The following SEC14L1 variants were observed in gnomAD, a reference collection of about 807,000 sequenced individuals.
The protein encoded by SEC14L1 is SEC14 like lipid binding 1.
Under a neutral mutation model 85.3 loss-of-function variants are expected in SEC14L1, and 48 were observed. The observed-to-expected ratio is 0.56, with a 90% CI of 0.45 to 0.72. The LOEUF (loss-of-function observed/expected upper bound fraction) is 0.72. Ranked by LOEUF, SEC14L1 falls within the 30% of genes least tolerant of loss-of-function variation. The pLI is 0.00. For missense variants in SEC14L1, 682 were observed against 921.4 expected, an observed-to-expected ratio of 0.74 and a Z score of 3.36; for synonymous variants, 391 against 355.5, an observed-to-expected ratio of 1.10 and a Z score of -1.12.
In SEC14L1 at chr17:77,216,587, C is replaced by G; in HGVS notation, c.*2564C>G. The G allele has an allele frequency of 3.1e-6, 5 of 1,613,380 alleles. No individual in the cohort carries two copies. Among genetic ancestry groups the G allele is most frequent in the Non-Finnish European group, 4.2e-6 (5 of 1,179,490 alleles). On this transcript the variant is annotated 3_prime_UTR_variant, in exon 17 of 17. Transcript: ENST00000436233. The stretch of plus-strand genomic sequence containing the variant: ...TGACAGCTGCCAAGAAAATGCTTCA[C>G]TCAACAGTCCTCATGTGCCCAGAGA...
intron 3 of SEC14L1, among the ~76,000 whole-genome samples, chr17:77,131,961 G>T (rs570357045): frequency 6.6e-6 from 1 of 152,296 alleles, no homozygotes; most frequent in African/African-American, 2.4e-5. Context: ...GATAACTTTT[G>T]CAGATCCAGC....
intron 3 of SEC14L1, among the ~76,000 whole-genome samples, chr17:77,100,896 A>C (rs771415015): frequency 6.6e-6 from 1 of 152,192 alleles, no homozygotes; most frequent in African/African-American, 2.4e-5. Flanking sequence ...GTTTTGTTAC[A>C]ATATTGTATG....
intron 11 of SEC14L1, 30 bp downstream of exon 11, chr17:77,205,376 A>G (rs760537965): frequency 4.2e-5 from 66 of 1,561,354 alleles, no homozygotes; most frequent in Non-Finnish European, 5.3e-5. Context: ...TTTCCTTTCA[A>G]CTTACTGAGA....
chr17:77,203,891 G>C (rs1032832316), intron 10 of SEC14L1, among the ~76,000 whole-genome samples: 1 of 152,178 alleles, frequency 6.6e-6, no homozygotes, highest in African/African-American at 2.4e-5. Context: ...CGAGATGCCT[G>C]TGTAGCAGCA....
At chr17:77,110,894 A>G (rs1011170058) in intron 3 of SEC14L1, among the ~76,000 whole-genome samples, 31 of 150,674 alleles carry the variant, frequency 2.1e-4, no homozygotes, top group African/African-American at 5.9e-4. Context: ...AAAAAAAAAA[A>G]AAAAAGAAAT....
chr17:77,113,955 T>C lies in SEC14L1; in HGVS notation c.-136+20608T>C, dbSNP rs547027124. 2.0e-5 allele frequency among the ~76,000 whole-genome samples: 3 copies of C among 152,268 alleles called. No homozygotes were observed. In the South Asian group the frequency reaches 6.2e-4, roughly 32 times the overall value. On this transcript the variant is annotated intron_variant, in intron 3 of 19. Transcript: ENST00000392476. Reference sequence around the variant, plus strand: ...AGGTTAGTTTCTATTATTCCCACCTTGTGCAGAGATTCAATGTCCCCTACC... The same window carrying C: ...AGGTTAGTTTCTATTATTCCCACCTCGTGCAGAGATTCAATGTCCCCTACC...
At chr17:77,128,188 G>T (rs1344790074) in intron 3 of SEC14L1, 2 of 152,158 alleles carry the variant, frequency 1.3e-5, no homozygotes, top group Non-Finnish European at 2.9e-5. Context: ...ATGGAGGAAG[G>T]TCACACAGGC....
In SEC14L1 at chr17:77,214,734, A is replaced by G. The variant is rs918415979; in HGVS notation, c.*711A>G. 1.0e-6 allele frequency: 1 copy of G among 985,332 alleles called. No individual in the cohort carries two copies. Among genetic ancestry groups the G allele is most frequent in the Non-Finnish European group, 1.2e-6 (1 of 829,988 alleles). The allele number at this position is 985,332 out of a possible 1,614,324, so 61.0% of individuals were successfully genotyped here. On this transcript the variant is annotated 3_prime_UTR_variant, in exon 17 of 17. Coordinates refer to ENST00000436233, the MANE Select transcript of SEC14L1 (RefSeq NM_001143998.2). ...CTTTCCTCCTTTTCAAATCTTTTTGATACTTTTTAGAGCAGGATTTTTCTG... is the reference window on the plus strand; with the variant it reads ...CTTTCCTCCTTTTCAAATCTTTTTGGTACTTTTTAGAGCAGGATTTTTCTG...
chr17:77,092,919 C>T (rs532713262), intron 2 of SEC14L1, among the ~76,000 whole-genome samples: 1 of 147,830 alleles, frequency 6.8e-6, no homozygotes, highest in East Asian at 2.0e-4. Flanking sequence ...TTGCACACTC[C>T]AGCCTGGGCT....
intron 3 of SEC14L1, among the ~76,000 whole-genome samples, chr17:77,135,368 T>A (rs1972762606): frequency 6.6e-6 from 1 of 152,238 alleles, no homozygotes; most frequent in Admixed American, 6.5e-5. Context: ...CTGTTTCTGT[T>A]CTGTGAGGCT....
At position 77,194,729 on chromosome 17, in the gene SEC14L1, C is replaced by T. The variant is rs747124708; in HGVS notation, c.527C>T (p.Thr176Ile). The T allele has an allele frequency of 1.2e-6, 2 of 1,614,060 alleles. No individual in the cohort carries two copies. Among genetic ancestry groups the T allele is most frequent in the African/African-American group, 2.7e-5 (2 of 74,918 alleles). The change falls in exon 7 of 17, where the codon ACC becomes ATC. Residue 176 changes from threonine to isoleucine, a missense_variant. Thr to Ile is a moderately conservative substitution (Grantham distance 89). Transcript: ENST00000436233. ...YLRQLEEEGI[T>I]FVPRWSPPSI... ...CGCCAATTAGAAGAAGAAGGCATAA[C>T]CTTTGTGCCCCGTTGGAGTCCGCCT...
At chr17:77,203,458 T>C in intron 9 of SEC14L1, 112 bp from the exon 10 acceptor site, 1 of 869,572 alleles carries the variant, frequency 1.1e-6, no homozygotes, top group Non-Finnish European at 1.8e-6. Context: ...GAAAGACTTT[T>C]AAGCGCCCCT....
chr17:77,191,819 G>A (rs1975555980), intron 5 of SEC14L1, among the ~76,000 whole-genome samples: 1 of 147,020 alleles, frequency 6.8e-6, no homozygotes, highest in Admixed American at 6.8e-5. Context: ...TTTTTGAGAT[G>A]GAGTCTCACT....
chr17:77,159,029 C>T (rs1160564663), intron 3 of SEC14L1, among the ~76,000 whole-genome samples: 9 of 150,916 alleles, frequency 6.0e-5, no homozygotes, highest in African/African-American at 1.5e-4. Context: ...TGGTCTAGGA[C>T]GCCTGGCTTC....
intron 14 of SEC14L1, 62 bp downstream of exon 14, chr17:77,209,538 C>T: frequency 6.4e-7 from 1 of 1,562,358 alleles, no homozygotes; most frequent in Non-Finnish European, 8.7e-7. Context: ...CTGGCCCTCG[C>T]AGGGCTTCCT....
intron 3 of SEC14L1, among the ~76,000 whole-genome samples, chr17:77,149,650 G>A (rs1448133705): frequency 6.6e-6 from 1 of 152,176 alleles, no homozygotes; most frequent in Non-Finnish European, 1.5e-5. Context: ...AGTGAGCTAT[G>A]ATCACACCAC....
intron 3 of SEC14L1, among the ~76,000 whole-genome samples, chr17:77,190,441 G>T (rs1338305361): frequency 6.6e-6 from 1 of 151,870 alleles, no homozygotes; most frequent in Non-Finnish European, 1.5e-5. Context: ...TAATACCGGG[G>T]TGACTGATTC....
chr17:77,110,893 A>G (rs899771302), intron 3 of SEC14L1, among the ~76,000 whole-genome samples: 70 of 147,190 alleles, frequency 4.8e-4, no homozygotes, highest in African/African-American at 1.6e-3. Flanking sequence ...AAAAAAAAAA[A>G]AAAAAAGAAA....
Position 77,130,944 on chromosome 17 carries a change from T to C in SEC14L1, c.-135-11702T>C, listed in dbSNP as rs117063075. 2.0e-5 allele frequency among the ~76,000 whole-genome samples: 3 copies of C among 152,320 alleles called. No homozygotes were observed. The East Asian group carries it at 5.8e-4, about 29-fold the overall frequency. On this transcript the variant is annotated intron_variant, in intron 3 of 19. Coordinates refer to the SEC14L1 transcript ENST00000392476. ...ATAAAGGCCTCATCAAAAGTTCATT[T>C]AGTTCAACCCAACAGATATTTAATA...
Sources: allele counts gnomAD v4.1 joint callset (sites outside exome capture counted in the v4.1 genomes callset), GRCh38; gene constraint gnomAD v4.1.1; transcripts MANE v1.5; gene names NCBI Gene and HGNC (gene_info 2026-07-23, HGNC 2026-07-21).